Variants in PCDHGB3 observed in about 807,000 individuals in gnomAD.
PCDHGB3 encodes protocadherin gamma subfamily B, 3, also known as protocadherin gamma-B3.
A neutral mutation model predicts 59.2 loss-of-function variants in PCDHGB3; 40 were observed. The ratio of observed to expected loss-of-function variants is 0.68; its 90% CI spans 0.52 to 0.88. The LOEUF is 0.88. PCDHGB3 is among the 40% of genes least tolerant of loss of function. The pLI is 0.00. For missense variants in PCDHGB3, 1,309 were observed against 1,187.9 expected, an observed-to-expected ratio of 1.10 and a Z score of -1.50; for synonymous variants, 581 against 503.6, an observed-to-expected ratio of 1.15 and a Z score of -2.06.
rs919100488 is a variant in PCDHGB3 at position 141,511,573 on chromosome 5, G to A, written c.*400G>A. On this transcript the variant is annotated 3_prime_UTR_variant, in exon 4 of 4. Transcript: ENST00000576222. ...ACAGTTCCTCTTTCCCGAGTAAGGT[G>A]GTTGGGGTGTTGAAGTACCAAGTAA... 1.1e-4 allele frequency: 33 copies of A among 288,248 alleles called. No individual in the cohort carries two copies. Among genetic ancestry groups the A allele is most frequent in the African/African-American group, 7.1e-4 (33 of 46,356 alleles). The allele number at this position is 288,248 out of a possible 1,614,324, so 17.9% of individuals were successfully genotyped here.
chr5:141,374,951 C>G (rs780549456), intron 1 of PCDHGB3: 22 of 1,613,900 alleles, frequency 1.4e-5, no homozygotes, highest in Admixed American at 1.7e-5. Context: ...AAAGATCTCA[C>G]AAATTTTCTG....
chr5:141,482,071 A>G (rs2099551527), intron 1 of PCDHGB3, among the ~76,000 whole-genome samples: 1 of 145,394 alleles, frequency 6.9e-6, no homozygotes, highest in Non-Finnish European at 1.5e-5. Flanking sequence ...GGCAACAAGA[A>G]CAAAACTCAC....
rs777924092 is a variant in PCDHGB3 at position 141,487,482 on chromosome 5, A to T, written c.2416-7325A>T. The T allele has an allele frequency of 1.2e-6, 2 of 1,614,164 alleles. No individual in the cohort carries two copies. Among genetic ancestry groups the T allele is most frequent in the South Asian group, 2.2e-5 (2 of 91,086 alleles). ...TTTGTTGATGTGGGAGGCCACTCTCATGGCTGTACACCCTTGGCTTCTGCA... is the reference window on the plus strand; with the variant it reads ...TTTGTTGATGTGGGAGGCCACTCTCTTGGCTGTACACCCTTGGCTTCTGCA... On this transcript the variant is annotated intron_variant, in intron 1 of 3. Coordinates refer to ENST00000576222, the MANE Select transcript of PCDHGB3 (RefSeq NM_018924.5). The surrounding 1 kb of genome is among the most constrained non-coding windows in gnomAD (Gnocchi z 5.0).
Position 141,408,922 on chromosome 5 carries a change from G to A in PCDHGB3, c.2415+36113G>A, listed in dbSNP as rs762449366. ...TCAAGGATACCAATGATAACCCCCC[G>A]GTTTTCAGCAGAGACGAATATAGAA... On this transcript the variant is annotated intron_variant, in intron 1 of 3. Coordinates refer to ENST00000576222, the MANE Select transcript of PCDHGB3 (RefSeq NM_018924.5). 3.7e-6 allele frequency: 6 copies of A among 1,613,104 alleles called. No homozygotes were observed. In the Admixed American group the frequency reaches 8.3e-5, roughly 22 times the overall value.
In PCDHGB3 at chr5:141,486,518, A is replaced by G; in HGVS notation, c.2416-8289A>G. The G allele has an allele frequency of 6.2e-7, 1 of 1,614,132 alleles. No homozygotes were observed. Among genetic ancestry groups the G allele is most frequent in the Non-Finnish European group, 8.5e-7 (1 of 1,179,996 alleles). On this transcript the variant is annotated intron_variant, in intron 1 of 3. Coordinates refer to ENST00000576222, the MANE Select transcript of PCDHGB3 (RefSeq NM_018924.5). The surrounding 1 kb of genome is among the most constrained non-coding windows in gnomAD (Gnocchi z 5.0). ...TATTTTCCTCAATATTTCAGATGTG[A>G]ATGATAATCCACCCTCTTTCTTTCA...
intron 1 of PCDHGB3, chr5:141,374,416 G>T (rs1770482486): frequency 6.2e-7 from 1 of 1,613,830 alleles, no homozygotes; most frequent in Non-Finnish European, 8.5e-7. Flanking sequence ...TCCTTGTCGA[G>T]GATAAACTGA....
At position 141,489,298 on chromosome 5, in the gene PCDHGB3, T is replaced by C; in HGVS notation, c.2416-5509T>C. On this transcript the variant is annotated intron_variant, in intron 1 of 3. Transcript: ENST00000576222. This position sits in a 1 kb window ranked among gnomAD's most constrained non-coding sequence, Gnocchi z 4.5. ...GAAATGGCAAGTGCTGTGCATGTTG[T>C]CCTTGTGCTGCTGGGGCTGGGTGTC... The C allele has an allele frequency of 6.3e-7, 1 of 1,584,418 alleles. No individual in the cohort carries two copies. The highest frequency in any genetic ancestry group is 8.6e-7 in the Non-Finnish European group (1 of 1,165,192).
chr5:141,407,125 T>C (rs1367266686), intron 1 of PCDHGB3, among the ~76,000 whole-genome samples: 1 of 152,254 alleles, frequency 6.6e-6, no homozygotes, highest in Non-Finnish European at 1.5e-5. Context: ...TTCAGTTGCT[T>C]TATTTTTAAG....
intron 1 of PCDHGB3, chr5:141,397,930 G>C (rs898785209): frequency 5.2e-6 from 4 of 775,998 alleles, no homozygotes; most frequent in Non-Finnish European, 8.1e-6. Flanking sequence ...TCGCGCAGCC[G>C]CAGCGCGCTT....
chr5:141,468,681 A>G (rs1415798588), intron 1 of PCDHGB3: 1 of 151,830 alleles, frequency 6.6e-6, no homozygotes, highest in African/African-American at 2.4e-5. Flanking sequence ...CCTGGCTAAC[A>G]CGGTGAAACC....
intron 1 of PCDHGB3, chr5:141,422,641 A>G (rs557969590): frequency 1.2e-6 from 2 of 1,612,356 alleles, no homozygotes; most frequent in Admixed American, 1.7e-5. Context: ...GGGTGCCTCC[A>G]TCTTCTCAGT....
Position 141,486,319 on chromosome 5 carries a change from C to T in PCDHGB3, c.2416-8488C>T, listed in dbSNP as rs148184642. The T allele has an allele frequency of 1.7e-4, 268 of 1,614,058 alleles. No individual in the cohort carries two copies. The African/African-American group carries it at 1.7e-3, about 10-fold the overall frequency. Reference sequence around the variant, plus strand: ...TGCAGGATCCAGACTCAGGGTCAAACGGAGATGTGAGCCTCCGCATTCCTG... The same window carrying T: ...TGCAGGATCCAGACTCAGGGTCAAATGGAGATGTGAGCCTCCGCATTCCTG... On this transcript the variant is annotated intron_variant, in intron 1 of 3. Transcript: ENST00000576222. The surrounding 1 kb of genome is among the most constrained non-coding windows in gnomAD (Gnocchi z 5.0).
At chr5:141,495,379 C>T (rs989240656) in intron 2 of PCDHGB3, among the ~76,000 whole-genome samples, 3 of 152,208 alleles carry the variant, frequency 2.0e-5, no homozygotes, top group Non-Finnish European at 4.4e-5. Context: ...TGAGGAAGGA[C>T]TGGGCGGGGC....
intron 1 of PCDHGB3, chr5:141,414,637 A>G: frequency 5.6e-6 from 9 of 1,613,894 alleles, no homozygotes; most frequent in Non-Finnish European, 6.8e-6. Context: ...CAGCAAAGAG[A>G]ATGCCCAGAT....
intron 1 of PCDHGB3, chr5:141,405,160 C>T (rs2094616263): frequency 6.2e-7 from 1 of 1,614,028 alleles, no homozygotes; most frequent in Non-Finnish European, 8.5e-7. Flanking sequence ...CTGGTGTGCC[C>T]ACCTCACACT....
intron 1 of PCDHGB3, chr5:141,375,207 AC>A (rs775034160): frequency 9.3e-6 from 15 of 1,613,778 alleles, no homozygotes; most frequent in Non-Finnish European, 1.2e-5. Context: ...TTCGATCGAG[AC>A]TCTGGCCTGA....
chr5:141,403,362 G>A lies in PCDHGB3; in HGVS notation c.2415+30553G>A, dbSNP rs200979571. 157 of 1,613,944 alleles carry A rather than the reference G, an allele frequency of 9.7e-5. No homozygotes were observed. Among genetic ancestry groups the A allele is most frequent in the Admixed American group, 4.3e-4 (26 of 60,012 alleles). On this transcript the variant is annotated intron_variant, in intron 1 of 3. Transcript: ENST00000576222. ...AGCGCCCCAAAGTTCCAGGCCGAAA[G>A]TCTGGAAGTAAAAATTAACGAAATC... is the stretch of plus-strand genomic sequence containing the variant.
chr5:141,476,951 A>C lies in PCDHGB3; in HGVS notation c.2416-17856A>C. On this transcript the variant is annotated intron_variant, in intron 1 of 3. Coordinates refer to ENST00000576222, the MANE Select transcript of PCDHGB3 (RefSeq NM_018924.5). The surrounding 1 kb of genome is among the most constrained non-coding windows in gnomAD (Gnocchi z 7.6). ...TCTGGATGAAGGCCCCAACGGTGAA[A>C]TTATTTACTCCTTCGGCAGCCACAA... 6.2e-7 allele frequency: 1 copy of C among 1,614,184 alleles called. No individual in the cohort carries two copies. Among genetic ancestry groups the C allele is most frequent in the South Asian group, 1.1e-5 (1 of 91,088 alleles).
At chr5:141,405,096 G>A (rs2094608531) in intron 1 of PCDHGB3, 6 of 1,613,808 alleles carry the variant, frequency 3.7e-6, no homozygotes, top group Admixed American at 1.7e-5. Flanking sequence ...CTGGCCCTCA[G>A]GCTGAGGCAC....
Sources: allele counts gnomAD v4.1 joint callset (sites outside exome capture counted in the v4.1 genomes callset), GRCh38; gene constraint gnomAD v4.1.1; non-coding constraint Gnocchi (gnomAD v3.1); transcripts MANE v1.5; gene names NCBI Gene and HGNC (gene_info 2026-07-23, HGNC 2026-07-21).